The following CPT1A variants were observed in gnomAD, a reference collection of about 807,000 sequenced individuals.
The protein encoded by CPT1A is carnitine palmitoyltransferase 1A.
A neutral mutation model predicts 100.8 loss-of-function variants in CPT1A; 64 were observed. The ratio of observed to expected loss-of-function variants is 0.63; its 90% CI spans 0.52 to 0.78. The LOEUF (loss-of-function observed/expected upper bound fraction) is 0.78, where lower values mean the gene tolerates loss of function less well. Among genes scored for constraint, CPT1A ranks in the 30% least tolerant of loss-of-function variants. The pLI is 0.00. For synonymous variants in CPT1A, 363 were observed against 396.0 expected (o/e 0.92, Z 0.99); for missense variants, 802 against 1,034.1 (o/e 0.78, Z 3.08).
intron 9 of CPT1A, among the ~76,000 whole-genome samples, chr11:68,786,911 C>A (rs1209554568): frequency 6.6e-6 from 1 of 152,204 alleles, no homozygotes; most frequent in East Asian, 1.9e-4. Context: ...CTACCAGAAA[C>A]TTGGACCAAA....
intron 9 of CPT1A, chr11:68,785,876 C>A: frequency 5.5e-6 from 3 of 544,548 alleles, no homozygotes; most frequent in East Asian, 6.4e-5. Flanking sequence ...GAAACCAAGC[C>A]ATTCCGTAAA....
At chr11:68,801,131 G>C (rs1230299313) in intron 5 of CPT1A, among the ~76,000 whole-genome samples, 1 of 152,128 alleles carries the variant, frequency 6.6e-6, no homozygotes, top group Non-Finnish European at 1.5e-5. Flanking sequence ...GGAGGGGGCA[G>C]GTGTCAAGCA....
chr11:68,771,536 T>C (rs1013058708), intron 14 of CPT1A, among the ~76,000 whole-genome samples: 2 of 152,214 alleles, frequency 1.3e-5, no homozygotes, highest in Non-Finnish European at 2.9e-5. Flanking sequence ...TAGTCAATGA[T>C]CTGTCACAGA....
chr11:68,793,831 A>G (rs912795537), intron 8 of CPT1A, among the ~76,000 whole-genome samples: 13 of 151,970 alleles, frequency 8.6e-5, no homozygotes, highest in African/African-American at 3.1e-4. Flanking sequence ...TTTCTGTGCG[A>G]ATTGCTTCGT....
At chr11:68,760,930 A>G (rs1333205323) in intron 16 of CPT1A, among the ~76,000 whole-genome samples, 3 of 152,052 alleles carry the variant, frequency 2.0e-5, no homozygotes, top group Non-Finnish European at 4.4e-5. Flanking sequence ...CTGAGGCAGG[A>G]GAATAGCTTG....
In CPT1A at chr11:68,755,074, C is replaced by T; in HGVS notation, c.*2570G>A. ...AACAGATAATACTCTTATCACCCCC[C>T]TTGGACATGTACAATAAGACCCCTC... is the stretch of plus-strand genomic sequence containing the variant. On this transcript the variant is annotated 3_prime_UTR_variant, in exon 19 of 19. Transcript: ENST00000265641. The T allele has an allele frequency of 1.9e-6, 1 of 536,266 alleles. No individual in the cohort carries two copies. Among genetic ancestry groups the T allele is most frequent in the Non-Finnish European group, 3.3e-6 (1 of 300,254 alleles). The allele number at this position is 536,266 out of a possible 1,614,324, so 33.2% of individuals were successfully genotyped here.
rs949714140 is a variant in CPT1A, at chr11:68,841,166, C to G, written c.-14+609G>C. Among the ~76,000 whole-genome samples, 3 of 152,324 alleles carry G rather than the reference C, an allele frequency of 2.0e-5. No individual in the cohort carries two copies. Among genetic ancestry groups the G allele is most frequent in the Admixed American group, 2.0e-4 (3 of 15,310 alleles). On this transcript the variant is annotated intron_variant, in intron 1 of 18. Transcript: ENST00000265641. The surrounding 1 kb of genome is among the most constrained non-coding windows in gnomAD (Gnocchi z 6.3). Reference sequence around the variant, plus strand: ...CGGCGCCCTGCCGAATCCCGAGGGCCGAGCACCCCTCCCTCAGCCGCACTG... The same window carrying G: ...CGGCGCCCTGCCGAATCCCGAGGGCGGAGCACCCCTCCCTCAGCCGCACTG...
At chr11:68,825,067 G>A (rs906868377) in intron 1 of CPT1A, among the ~76,000 whole-genome samples, 1 of 152,076 alleles carries the variant, frequency 6.6e-6, no homozygotes, top group Non-Finnish European at 1.5e-5. Flanking sequence ...CCAAAGTGCT[G>A]TGAGCCACTG....
intron 5 of CPT1A, among the ~76,000 whole-genome samples, chr11:68,802,430 GA>G (rs71043451): frequency 0.14 from 20,064 of 142,884 alleles, 1,604 homozygotes; most frequent in African/African-American, 0.24. Context: ...TCCGTCTCTG[GA>G]AAAAAAAAAA....
chr11:68,804,200 T>G (rs956844725), intron 4 of CPT1A, 99 bp from the exon 5 acceptor site: 1 of 878,144 alleles, frequency 1.1e-6, no homozygotes, highest in East Asian at 2.5e-5. Flanking sequence ...CAGTCCTGGT[T>G]AGTACTTGGA....
At chr11:68,807,160 G>C (rs1856067731) in intron 4 of CPT1A, among the ~76,000 whole-genome samples, 1 of 152,068 alleles carries the variant, frequency 6.6e-6, no homozygotes, top group Non-Finnish European at 1.5e-5. Context: ...CAACAAGTGA[G>C]TCAAGAACAC....
At chr11:68,833,094 C>T (rs142850903) in intron 1 of CPT1A, among the ~76,000 whole-genome samples, 212 of 152,298 alleles carry the variant, frequency 1.4e-3, no homozygotes, top group African/African-American at 4.9e-3. Flanking sequence ...GGCTCCAGCT[C>T]GGGGAAACCA....
chr11:68,792,427 C>T (rs1370868484), intron 9 of CPT1A, among the ~76,000 whole-genome samples: 4 of 152,262 alleles, frequency 2.6e-5, no homozygotes, highest in Non-Finnish European at 4.4e-5. Flanking sequence ...TCATACAGGC[C>T]TGCCATGATG....
chr11:68,831,225 G>A (rs1009733714), intron 1 of CPT1A, among the ~76,000 whole-genome samples: 1 of 152,082 alleles, frequency 6.6e-6, no homozygotes, highest in African/African-American at 2.4e-5. Context: ...ATGTAATCAA[G>A]AAGACACTCA....
At chr11:68,826,184 G>T (rs1366401686) in intron 1 of CPT1A, among the ~76,000 whole-genome samples, 2 of 152,190 alleles carry the variant, frequency 1.3e-5, no homozygotes, top group African/African-American at 4.8e-5. Context: ...TGTGGCTCAG[G>T]CCTGTAATCC....
At chr11:68,828,988 G>C (rs1856814524) in intron 1 of CPT1A, among the ~76,000 whole-genome samples, 1 of 152,058 alleles carries the variant, frequency 6.6e-6, no homozygotes, top group Non-Finnish European at 1.5e-5. Context: ...GCTTCAACCT[G>C]AGCACACTGC....
chr11:68,800,221 C>G (rs548549253), intron 5 of CPT1A, among the ~76,000 whole-genome samples: 1 of 152,166 alleles, frequency 6.6e-6, no homozygotes, highest in Non-Finnish European at 1.5e-5. Context: ...TTCCAGCCCC[C>G]ACCCCGCCTC....
rs1428078221 is a variant in CPT1A, at chr11:68,760,330, A to C, written c.2037T>G (p.Ser679=). ...VESPFLKEVL[S]EPWRLSTSQT... ...GGCTTGTTGATAATCTCCAAGGCTC[A>C]GATAAAACCTATTGAGTGAAACAGG... Residue 679 remains serine, a synonymous_variant, in exon 17 of 19, where the codon TCT becomes TCG. Coordinates refer to ENST00000265641, the MANE Select transcript of CPT1A (RefSeq NM_001876.4). 6.2e-7 allele frequency: 1 copy of C among 1,610,408 alleles called. No individual in the cohort carries two copies. Among genetic ancestry groups the C allele is most frequent in the Non-Finnish European group, 8.5e-7 (1 of 1,178,202 alleles).
At chr11:68,820,043 T>C (rs1244135275) in intron 1 of CPT1A, among the ~76,000 whole-genome samples, 3 of 152,036 alleles carry the variant, frequency 2.0e-5, no homozygotes, top group Non-Finnish European at 4.4e-5. Flanking sequence ...TTTGTTTGTT[T>C]GTTTGAGACA....
Sources: gnomAD v4.1 joint callset for allele counts (sites outside exome capture counted in the v4.1 genomes callset) on GRCh38, gnomAD v4.1.1 for gene constraint, Gnocchi (gnomAD v3.1) non-coding constraint, MANE v1.5 for transcripts, NCBI Gene and HGNC (gene_info 2026-07-23, HGNC 2026-07-21) for gene names.